KCND2: variants seen among roughly 807,000 people sequenced by gnomAD.
The protein encoded by KCND2 is A-type voltage-gated potassium channel KCND2.
KCND2 carries 16 observed loss-of-function variants against 54.4 expected under a neutral mutation model. The observed-to-expected ratio is 0.29, with a 90% CI of 0.20 to 0.45. The LOEUF (loss-of-function observed/expected upper bound fraction) is 0.45. KCND2 is among the 20% of genes least tolerant of loss of function. KCND2 has a pLI of 1.00. For missense variants in KCND2, 486 were observed against 824.2 expected (o/e 0.59, Z 5.02); for synonymous variants, 317 against 310.7 (o/e 1.02, Z -0.21).
intron 1 of KCND2, among the ~76,000 whole-genome samples, chr7:120,519,373 C>A (rs1803247976): frequency 6.6e-6 from 1 of 151,854 alleles, no homozygotes. Context: ...ACAAAACCTG[C>A]CTCTAAGTAG....
At chr7:120,513,769 T>C (rs1283096393) in intron 1 of KCND2, among the ~76,000 whole-genome samples, 2 of 152,120 alleles carry the variant, frequency 1.3e-5, no homozygotes, top group Admixed American at 6.6e-5. Flanking sequence ...GAATGTGTCA[T>C]TCTGGTAAAA....
Position 120,462,134 on chromosome 7 carries a change from T to G in KCND2, c.1115+186387T>G, listed in dbSNP as rs1802292245. On this transcript the variant is annotated intron_variant, in intron 1 of 5. Transcript: ENST00000331113. ...TCATATTGTATCTCTCTACAAATGA[T>G]TTCATTAGTGTTATTTCCTTAGCAC... 2.0e-5 allele frequency among the ~76,000 whole-genome samples: 3 copies of G among 151,934 alleles called. No homozygotes were observed. The South Asian group carries it at 6.2e-4, about 32-fold the overall frequency.
chr7:120,450,812 G>A (rs899551558), intron 1 of KCND2, among the ~76,000 whole-genome samples: 1 of 152,122 alleles, frequency 6.6e-6, no homozygotes, highest in Non-Finnish European at 1.5e-5. Flanking sequence ...CTGCCCAAGA[G>A]AGAACAATAT....
chr7:120,683,932 G>T (rs1191740133), intron 1 of KCND2, among the ~76,000 whole-genome samples: 2 of 152,104 alleles, frequency 1.3e-5, no homozygotes, highest in Non-Finnish European at 2.9e-5. Flanking sequence ...AACAGAGATG[G>T]TTCCATTGCT....
intron 1 of KCND2, among the ~76,000 whole-genome samples, chr7:120,297,748 G>A (rs1227892329): frequency 6.6e-6 from 1 of 152,112 alleles, no homozygotes; most frequent in Non-Finnish European, 1.5e-5. Flanking sequence ...GATTTCTCAT[G>A]AATTTTCAAG....
In KCND2 at chr7:120,747,814, C is replaced by A; in HGVS notation, c.1849C>A (p.Pro617Thr). 4 of 1,612,496 alleles carry A rather than the reference C, an allele frequency of 2.5e-6. No individual in the cohort carries two copies. The South Asian group carries it at 4.4e-5, about 18-fold the overall frequency. ...AGAAGGAGACGATAGGCCAGAATCC[C>A]CTGAGTACTCAGGAGGAAATATTGT... is the stretch of plus-strand genomic sequence containing the variant. ...TPEGDDRPES[P>T]EYSGGNIVRV... is the part of the protein sequence containing the mutation. The change falls in exon 6 of 6, where the codon CCT becomes ACT. Residue 617 changes from proline to threonine, a missense_variant. Physicochemically the swap from Pro to Thr is conservative, Grantham distance 38. Coordinates refer to ENST00000331113, the MANE Select transcript of KCND2 (RefSeq NM_012281.3).
intron 1 of KCND2, among the ~76,000 whole-genome samples, chr7:120,416,676 A>G (rs1378715601): frequency 6.6e-6 from 1 of 152,096 alleles, no homozygotes; most frequent in Non-Finnish European, 1.5e-5. Flanking sequence ...CTTTCAAAGA[A>G]AAGTACAACC....
At chr7:120,720,530 A>T (rs1385558924) in intron 1 of KCND2, among the ~76,000 whole-genome samples, 2 of 152,086 alleles carry the variant, frequency 1.3e-5, no homozygotes, top group African/African-American at 4.8e-5. Flanking sequence ...GTTTCCTGCC[A>T]GTTGTGCCAG....
chr7:120,538,581 G>A (rs959659195), intron 1 of KCND2, among the ~76,000 whole-genome samples: 8 of 152,044 alleles, frequency 5.3e-5, no homozygotes, highest in African/African-American at 1.9e-4. Flanking sequence ...GAGCTCTTGG[G>A]GCCACCAGCA....
At chr7:120,471,608 C>T (rs1802455591) in intron 1 of KCND2, among the ~76,000 whole-genome samples, 1 of 152,042 alleles carries the variant, frequency 6.6e-6, no homozygotes, top group African/African-American at 2.4e-5. Context: ...TCACTTGTAG[C>T]CTATTTAATC....
intron 1 of KCND2, among the ~76,000 whole-genome samples, chr7:120,320,120 A>G (rs1183082886): frequency 1.3e-5 from 2 of 152,252 alleles, no homozygotes; most frequent in South Asian, 2.1e-4. Context: ...AATAACAAAC[A>G]TTGAAAAAAA....
intron 1 of KCND2, among the ~76,000 whole-genome samples, chr7:120,563,679 T>A (rs751708354): frequency 6.6e-6 from 1 of 152,156 alleles, no homozygotes; most frequent in East Asian, 1.9e-4. Context: ...CAGGCCAAAC[T>A]GAACCCTCAC....
intron 1 of KCND2, among the ~76,000 whole-genome samples, chr7:120,586,059 T>G (rs1242344564): frequency 1.3e-5 from 2 of 152,128 alleles, no homozygotes; most frequent in Non-Finnish European, 2.9e-5. Context: ...CTACTTGACT[T>G]GATTTCTATA....
At chr7:120,694,850 T>C (rs1002309732) in intron 1 of KCND2, among the ~76,000 whole-genome samples, 15 of 152,208 alleles carry the variant, frequency 9.9e-5, no homozygotes, top group African/African-American at 3.6e-4. Flanking sequence ...TATGTTTCTC[T>C]ACCTTTGCTC....
chr7:120,503,385 T>TGTGAGAGAGAGAGA (rs1802965582), intron 1 of KCND2, among the ~76,000 whole-genome samples: 1 of 146,580 alleles, frequency 6.8e-6, no homozygotes, highest in African/African-American at 2.5e-5. Context: ...GTCTCTAGAG[T>TGTGAGAGAGAGAGA]GAGAGAGAGA....
chr7:120,398,428 C>G (rs1801192405), intron 1 of KCND2, among the ~76,000 whole-genome samples: 1 of 151,972 alleles, frequency 6.6e-6, no homozygotes, highest in Non-Finnish European at 1.5e-5. Flanking sequence ...AGGCCATTAT[C>G]TCAACTTTGT....
chr7:120,273,154 G>A (rs1467484473), upstream of KCND2, among the ~76,000 whole-genome samples: 5 of 152,208 alleles, frequency 3.3e-5, no homozygotes, highest in Non-Finnish European at 7.3e-5. Context: ...CAAGCCGAGG[G>A]AAAGGCAGGA....
intron 1 of KCND2, among the ~76,000 whole-genome samples, chr7:120,355,336 C>T (rs974140134): frequency 6.6e-6 from 1 of 152,106 alleles, no homozygotes; most frequent in African/African-American, 2.4e-5. Flanking sequence ...CACCTGAAGT[C>T]AGGACTTCAA....
chr7:120,697,562 A>T (rs1792347112), intron 1 of KCND2, among the ~76,000 whole-genome samples: 1 of 152,200 alleles, frequency 6.6e-6, no homozygotes, highest in Non-Finnish European at 1.5e-5. Flanking sequence ...GCATGTGATG[A>T]TATACAGATT....
Sources: allele counts gnomAD v4.1 joint callset (sites outside exome capture counted in the v4.1 genomes callset), GRCh38; gene constraint gnomAD v4.1.1; transcripts MANE v1.5; gene names NCBI Gene and HGNC (gene_info 2026-07-23, HGNC 2026-07-21).